NAP1L1: variants seen among roughly 807,000 people sequenced by gnomAD.
NAP1L1 encodes the protein nucleosome assembly protein 1-like 1.
In NAP1L1, 9 loss-of-function variants were observed where a neutral mutation model predicts 58.9. That is an observed-to-expected ratio of 0.15 (90% CI 0.09 to 0.27). The LOEUF is 0.27. Among genes scored for constraint, NAP1L1 ranks in the 10% least tolerant of loss-of-function variants. NAP1L1 has a pLI of 1.00. For missense variants in NAP1L1, 302 were observed against 458.8 expected, an observed-to-expected ratio of 0.66 and a Z score of 3.12; for synonymous variants, 130 against 138.3, an observed-to-expected ratio of 0.94 and a Z score of 0.42.
At chr12:76,081,193 T>TA (rs1314559863) in intron 1 of NAP1L1, among the ~76,000 whole-genome samples, 2 of 152,162 alleles carry the variant, frequency 1.3e-5, no homozygotes, top group Non-Finnish European at 2.9e-5. Context: ...AAAACCAGGA[T>TA]AAAAATTATC....
At chr12:76,062,841 T>A (rs770394037) in intron 4 of NAP1L1, among the ~76,000 whole-genome samples, 2 of 152,210 alleles carry the variant, frequency 1.3e-5, no homozygotes, top group Non-Finnish European at 1.5e-5. Flanking sequence ...ATCCTTACTC[T>A]GCTTCCTAGA....
In NAP1L1 at chr12:76,074,256, C is replaced by A. The variant is rs1432337542; in HGVS notation, c.-20-17G>T. On this transcript the variant is annotated splice_polypyrimidine_tract_variant and intron_variant, in intron 1 of 14. Coordinates refer to ENST00000618691, the MANE Select transcript of NAP1L1 (RefSeq NM_004537.7). Reference sequence around the variant, plus strand: ...TCCAAATATCTATGGAGAGAAACATCAATGTTAAAAAAAAAGTATATGATT... The same window carrying A: ...TCCAAATATCTATGGAGAGAAACATAAATGTTAAAAAAAAAGTATATGATT... 19 of 1,549,126 alleles carry A rather than the reference C, an allele frequency of 1.2e-5. No homozygotes were observed. The South Asian group carries it at 2.3e-4, about 18-fold the overall frequency.
At chr12:76,078,832 T>G (rs1208538463) in intron 1 of NAP1L1, among the ~76,000 whole-genome samples, 1 of 152,186 alleles carries the variant, frequency 6.6e-6, no homozygotes, top group East Asian at 1.9e-4. Flanking sequence ...CAATGAAGCC[T>G]AATAAAGACT....
intron 4 of NAP1L1, among the ~76,000 whole-genome samples, chr12:76,061,378 A>G (rs1949406946): frequency 6.6e-6 from 1 of 152,082 alleles, no homozygotes; most frequent in African/African-American, 2.4e-5. Context: ...AGAATGTACG[A>G]TATTTGGTTC....
rs568344806 is a variant in NAP1L1 at position 76,042,457 on chromosome 12, T to C, written c.*5972A>G. On this transcript the variant is annotated 3_prime_UTR_variant, in exon 15 of 15. Coordinates refer to ENST00000618691, the MANE Select transcript of NAP1L1 (RefSeq NM_004537.7). The stretch of plus-strand genomic sequence containing the variant: ...GTATTCTCACACATATCCATTAAAA[T>C]TTGGTAGCAGAGACATTTGTTTAGG... The C allele has an allele frequency of 2.0e-5, 3 of 152,302 alleles. No homozygotes were observed. The highest frequency in any genetic ancestry group is 2.0e-4 in the Admixed American group (3 of 15,294). 9.4% of individuals were successfully genotyped at this position (152,302 alleles called of 1,614,324 possible). A position where few individuals can be genotyped will look rare whatever the true frequency, so the allele number is the denominator to read the frequency against.
Position 76,076,744 on chromosome 12 carries a change from T to C in NAP1L1, c.-20-2505A>G, listed in dbSNP as rs1013084011. On this transcript the variant is annotated intron_variant, in intron 1 of 14. Transcript: ENST00000618691. ...CACCATTACAGTCATGTGTGGATTATATGTTCTGAGAAATGTGTCTCTGGG... is the reference window on the plus strand; with the variant it reads ...CACCATTACAGTCATGTGTGGATTACATGTTCTGAGAAATGTGTCTCTGGG... Among the ~76,000 whole-genome samples, 7 of 152,170 alleles carry C rather than the reference T, an allele frequency of 4.6e-5. No homozygotes were observed. In the South Asian group the frequency reaches 8.3e-4, roughly 18 times the overall value.
At chr12:76,062,416 C>A (rs146308683) in intron 4 of NAP1L1, among the ~76,000 whole-genome samples, 1 of 152,260 alleles carries the variant, frequency 6.6e-6, no homozygotes, top group African/African-American at 2.4e-5. Flanking sequence ...GCCTAATGTG[C>A]TGGAGCTCAG....
At chr12:76,057,569 C>A in intron 6 of NAP1L1, 1 of 920,598 alleles carries the variant, frequency 1.1e-6, no homozygotes, top group Admixed American at 1.8e-5. Flanking sequence ...TCCAATAGGG[C>A]TGACTGCAAA....
chr12:76,067,784 A>T (rs1949749310), intron 3 of NAP1L1, among the ~76,000 whole-genome samples: 1 of 152,186 alleles, frequency 6.6e-6, no homozygotes, highest in African/African-American at 2.4e-5. Context: ...AGAAGCTCAA[A>T]GCTTCATTCA....
At chr12:76,063,961 C>T (rs1450025290) in intron 4 of NAP1L1, among the ~76,000 whole-genome samples, 1 of 149,974 alleles carries the variant, frequency 6.7e-6, no homozygotes, top group Non-Finnish European at 1.5e-5. Flanking sequence ...CCAAGGTGGG[C>T]CCAACAGTTC....
chr12:76,076,812 C>T (rs1355722233), intron 1 of NAP1L1, among the ~76,000 whole-genome samples: 2 of 151,956 alleles, frequency 1.3e-5, no homozygotes, highest in African/African-American at 4.8e-5. Context: ...CTTACACAAA[C>T]CTAGATGGTA....
intron 6 of NAP1L1, chr12:76,057,236 G>C: frequency 7.9e-6 from 2 of 253,280 alleles, no homozygotes; most frequent in South Asian, 4.9e-5. Flanking sequence ...GCTGCAGTGA[G>C]CCAAGATCAT....
chr12:76,057,295 C>CA (rs1192509418), intron 6 of NAP1L1: 7 of 315,138 alleles, frequency 2.2e-5, no homozygotes, highest in East Asian at 7.8e-5. Flanking sequence ...GTCTCTTAAA[C>CA]AAAAAAACTA....
chr12:76,082,833 G>GT (rs1178296404), intron 1 of NAP1L1, among the ~76,000 whole-genome samples: 4 of 152,150 alleles, frequency 2.6e-5, no homozygotes, highest in African/African-American at 4.8e-5. Flanking sequence ...AAGTATAGGA[G>GT]TATTAATTTA....
At chr12:76,055,433 G>A (rs567825055) in intron 7 of NAP1L1, among the ~76,000 whole-genome samples, 78 of 152,180 alleles carry the variant, frequency 5.1e-4, no homozygotes, top group African/African-American at 1.7e-3. Flanking sequence ...CCTCCTGGTC[G>A]TTCCTTTTCC....
intron 2 of NAP1L1, 78 bp downstream of exon 2, chr12:76,074,124 AT>A: frequency 8.3e-7 from 1 of 1,204,554 alleles, no homozygotes; most frequent in Non-Finnish European, 1.2e-6. Context: ...ATAATATATA[AT>A]TCATACTACT....
At chr12:76,074,262 TA>T (rs531059085) in intron 1 of NAP1L1, 23 bp from the exon 2 acceptor site, 913 of 1,536,190 alleles carry the variant, frequency 5.9e-4, no homozygotes, top group African/African-American at 3.5e-3. Flanking sequence ...ACATCAATGT[TA>T]AAAAAAAAGT....
chr12:76,084,434 C>T (rs1592720702), intron 1 of NAP1L1, 133 bp downstream of exon 1: 1 of 152,576 alleles, frequency 6.6e-6, no homozygotes, highest in Non-Finnish European at 1.5e-5. Flanking sequence ...CACAGGACGA[C>T]CCCGGAGGCC....
At chr12:76,050,459 A>T (rs2136957436) in intron 12 of NAP1L1, 72 bp downstream of exon 12, 2 of 1,502,886 alleles carry the variant, frequency 1.3e-6, no homozygotes, top group South Asian at 2.8e-5. Flanking sequence ...TAAAAACTAA[A>T]CTAATCTATT....
Sources: allele counts gnomAD v4.1 joint callset (sites outside exome capture counted in the v4.1 genomes callset), GRCh38; gene constraint gnomAD v4.1.1; transcripts MANE v1.5; gene names NCBI Gene and HGNC (gene_info 2026-07-23, HGNC 2026-07-21).